GPR141: variants seen among roughly 807,000 people sequenced by gnomAD.
GPR141 encodes the protein probable G protein-coupled receptor 141.
GPR141 carries 6 observed loss-of-function variants against 6.8 expected under a neutral mutation model. The ratio of observed to expected loss-of-function variants is 0.88; its 90% CI spans 0.48 to 1.74. The LOEUF (loss-of-function observed/expected upper bound fraction) is 1.74, where lower values mean the gene tolerates loss of function less well. Among genes scored for constraint, GPR141 ranks in the 40% most tolerant of loss-of-function variants. The probability of loss-of-function intolerance (pLI) is 0.01; values close to 1 mark genes in which losing one functional copy is unlikely to be tolerated. For synonymous variants in GPR141, 140 were observed against 142.3 expected, an observed-to-expected ratio of 0.98 and a Z score of 0.11; for missense variants, 372 against 372.9, an observed-to-expected ratio of 1.00 and a Z score of 0.02.
intron 2 of GPR141, among the ~76,000 whole-genome samples, chr7:37,734,873 G>A (rs1309246402): frequency 3.3e-5 from 5 of 152,186 alleles, no homozygotes; most frequent in African/African-American, 1.2e-4. Flanking sequence ...AGGTGTTATG[G>A]AGTGTGGCTG....
chr7:37,720,991 C>A (rs1811298928), intron 2 of GPR141, among the ~76,000 whole-genome samples: 1 of 152,146 alleles, frequency 6.6e-6, no homozygotes, highest in South Asian at 2.1e-4. Context: ...GAGATACAAA[C>A]AATACAGTTG....
At chr7:37,698,772 GCT>G (rs1297381222) in intron 2 of GPR141, among the ~76,000 whole-genome samples, 1 of 152,104 alleles carries the variant, frequency 6.6e-6, no homozygotes, top group Admixed American at 6.5e-5. Context: ...TACTTGAGCT[GCT>G]CTCTTTTTTT....
intron 2 of GPR141, among the ~76,000 whole-genome samples, chr7:37,719,780 G>A (rs1185653818): frequency 1.3e-5 from 2 of 152,152 alleles, no homozygotes; most frequent in East Asian, 3.9e-4. Context: ...ACCCAGTCAG[G>A]AATTTTTTTT....
At chr7:37,687,121 A>G (rs571137185) in intron 2 of GPR141, among the ~76,000 whole-genome samples, 1 of 152,220 alleles carries the variant, frequency 6.6e-6, no homozygotes, top group South Asian at 2.1e-4. Context: ...TGCCTGCCCA[A>G]TTGATGATGT....
chr7:37,689,828 C>T (rs576181985), intron 2 of GPR141, among the ~76,000 whole-genome samples: 4 of 150,720 alleles, frequency 2.7e-5, no homozygotes, highest in African/African-American at 9.8e-5. Flanking sequence ...TTGTCAATTT[C>T]ATTTATATTT....
chr7:37,722,980 T>C (rs1286613936), intron 2 of GPR141, among the ~76,000 whole-genome samples: 1 of 143,434 alleles, frequency 7.0e-6, no homozygotes, highest in African/African-American at 2.6e-5. Context: ...CCTTCCTTCC[T>C]TCTTTCTTTC....
At chr7:37,730,402 G>A (rs185482566) in intron 2 of GPR141, among the ~76,000 whole-genome samples, 2 of 152,194 alleles carry the variant, frequency 1.3e-5, no homozygotes, top group Admixed American at 6.5e-5. Flanking sequence ...TCTTCAAAGT[G>A]CCTGTGTCCC....
chr7:37,686,114 T>G (rs896595525), intron 2 of GPR141, among the ~76,000 whole-genome samples: 3 of 151,404 alleles, frequency 2.0e-5, no homozygotes, highest in African/African-American at 7.3e-5. Flanking sequence ...TCCTCTCACT[T>G]CAGCCTTCCG....
chr7:37,698,887 AG>A (rs1810147488), intron 2 of GPR141, among the ~76,000 whole-genome samples: 1 of 152,210 alleles, frequency 6.6e-6, no homozygotes, highest in African/African-American at 2.4e-5. Context: ...TTTGTTGAGC[AG>A]TTTCTGTATC....
Position 37,740,373 on chromosome 7 carries a change from C to T in GPR141, c.-14-7C>T. The T allele has an allele frequency of 1.3e-6, 2 of 1,546,252 alleles. No individual in the cohort carries two copies. The highest frequency in any genetic ancestry group is 1.2e-5 in the South Asian group (1 of 81,900). On this transcript the variant is annotated splice_region_variant and splice_polypyrimidine_tract_variant and intron_variant, in intron 2 of 2. Coordinates refer to ENST00000334425, the MANE Select transcript of GPR141 (RefSeq NM_001381946.1). The stretch of plus-strand genomic sequence containing the variant: ...TGTCAGTTACTCTGGTGCTTTTTCT[C>T]CTCCAGGTGACTTCCCAAGTATGCC...
At chr7:37,740,230 A>G (rs565089429) in intron 2 of GPR141, 150 bp from the exon 3 acceptor site, 4 of 634,204 alleles carry the variant, frequency 6.3e-6, no homozygotes, top group East Asian at 2.6e-5. Flanking sequence ...GTATGCAAAC[A>G]TTCATAGGAA....
intron 2 of GPR141, among the ~76,000 whole-genome samples, chr7:37,728,895 C>T (rs1811770206): frequency 6.6e-6 from 1 of 152,128 alleles, no homozygotes; most frequent in Admixed American, 6.5e-5. Flanking sequence ...TGTCAGTTCC[C>T]ACAGCTCCCA....
Position 37,740,407 on chromosome 7 carries a change from A to G in GPR141, c.14A>G (p.Asn5Ser), listed in dbSNP as rs755641967. 1 of 1,597,914 alleles carries G rather than the reference A, an allele frequency of 6.3e-7. No individual in the cohort carries two copies. Among genetic ancestry groups the G allele is most frequent in the Non-Finnish European group, 8.6e-7 (1 of 1,169,016 alleles). The change falls in exon 3 of 3, where the codon AAT becomes AGT. Residue 5 changes from asparagine (N) to serine (S), a missense_variant. Asn to Ser is a conservative substitution (Grantham distance 46). Coordinates refer to ENST00000334425, the MANE Select transcript of GPR141 (RefSeq NM_001381946.1). ...GACTTCCCAAGTATGCCTGGCCACA[A>G]TACCTCCAGGAATTCCTCTTGCGAT... is the stretch of plus-strand genomic sequence containing the variant. MPGHNTSRNSSCDPI... is the reference protein window; with the variant it reads MPGHSTSRNSSCDPI...
intron 2 of GPR141, among the ~76,000 whole-genome samples, 180 bp downstream of exon 2, chr7:37,685,763 T>G (rs1460229797): frequency 6.6e-6 from 1 of 150,490 alleles, no homozygotes; most frequent in Non-Finnish European, 1.5e-5. Flanking sequence ...TTTTTTTTTT[T>G]TTTTTTTTTT....
chr7:37,737,491 G>A (rs963240160), intron 2 of GPR141, among the ~76,000 whole-genome samples: 3 of 152,100 alleles, frequency 2.0e-5, no homozygotes, highest in Admixed American at 6.5e-5. Flanking sequence ...TACAACTTGC[G>A]GCCCATGGGC....
chr7:37,688,068 C>T (rs1236845777), intron 2 of GPR141, among the ~76,000 whole-genome samples: 4 of 152,106 alleles, frequency 2.6e-5, no homozygotes, highest in East Asian at 1.9e-4. Flanking sequence ...TTTACAAAAA[C>T]GAGTGGCCAG....
intron 2 of GPR141, among the ~76,000 whole-genome samples, chr7:37,740,163 G>A (rs1185594406): frequency 6.6e-6 from 1 of 152,040 alleles, no homozygotes; most frequent in Non-Finnish European, 1.5e-5. Context: ...ATTCAGATTC[G>A]ATTTTTATTC....
At position 37,741,393 on chromosome 7, in the gene GPR141, T is replaced by A. The variant is rs1009208223; in HGVS notation, c.*82T>A. On this transcript the variant is annotated 3_prime_UTR_variant, in exon 3 of 3. Coordinates refer to ENST00000334425, the MANE Select transcript of GPR141 (RefSeq NM_001381946.1). ...AGGGGAGGTAAGAATGGTATTTCAT[T>A]ACTTGATCAAAACCATGCCTTGATG... The A allele has an allele frequency of 1.1e-4, 111 of 1,053,578 alleles. No homozygotes were observed. The highest frequency in any genetic ancestry group is 1.4e-4 in the Non-Finnish European group (102 of 725,588). The allele number at this position is 1,053,578 out of a possible 1,614,324, so 65.3% of individuals were successfully genotyped here.
At chr7:37,733,107 T>C (rs1812054996) in intron 2 of GPR141, among the ~76,000 whole-genome samples, 1 of 152,108 alleles carries the variant, frequency 6.6e-6, no homozygotes, top group African/African-American at 2.4e-5. Context: ...AAGTCAAGAA[T>C]GAGTAACATA....
Sources: allele counts gnomAD v4.1 joint callset (sites outside exome capture counted in the v4.1 genomes callset), GRCh38; gene constraint gnomAD v4.1.1; transcripts MANE v1.5; gene names NCBI Gene and HGNC (gene_info 2026-07-23, HGNC 2026-07-21).